CARMIL1: variants seen among roughly 807,000 people sequenced by gnomAD.
The protein encoded by CARMIL1 is capping protein regulator and myosin 1 linker 1.
CARMIL1 carries 90 observed loss-of-function variants against 177.1 expected under a neutral mutation model. That is an observed-to-expected ratio of 0.51 (90% CI 0.43 to 0.61). The LOEUF is 0.61. CARMIL1 is among the 20% of genes least tolerant of loss of function. CARMIL1 has a pLI of 0.00. For synonymous variants in CARMIL1, 577 were observed against 606.2 expected, an observed-to-expected ratio of 0.95 and a Z score of 0.71; for missense variants, 1,380 against 1,667.0, an observed-to-expected ratio of 0.83 and a Z score of 3.00.
chr6:25,308,976 T>C (rs905480486), intron 2 of CARMIL1, among the ~76,000 whole-genome samples: 1 of 152,170 alleles, frequency 6.6e-6, no homozygotes, highest in Non-Finnish European at 1.5e-5. Context: ...AAGCCAGGGA[T>C]AAGTAAAATA....
At chr6:25,459,277 TTTTAA>T (rs1218976268) in intron 8 of CARMIL1, among the ~76,000 whole-genome samples, 3 of 139,592 alleles carry the variant, frequency 2.1e-5, no homozygotes, top group Non-Finnish European at 4.7e-5. Context: ...TTTTTTTTTT[TTTTAA>T]GACAGGGTCT....
intron 2 of CARMIL1, among the ~76,000 whole-genome samples, chr6:25,373,081 A>ACAT (rs1452055158): frequency 4.6e-5 from 7 of 152,308 alleles, no homozygotes; most frequent in Admixed American, 2.6e-4. Flanking sequence ...AATCATCCCT[A>ACAT]CATCCTGGAT....
chr6:25,534,108 A>T (rs1297544878), intron 24 of CARMIL1, among the ~76,000 whole-genome samples: 9 of 145,544 alleles, frequency 6.2e-5, no homozygotes, highest in African/African-American at 2.0e-4. Flanking sequence ...TTTACTAACT[A>T]CCTTCTACGT....
chr6:25,371,323 A>T (rs1198158692), intron 2 of CARMIL1, among the ~76,000 whole-genome samples: 2 of 152,174 alleles, frequency 1.3e-5, no homozygotes, highest in Non-Finnish European at 1.5e-5. Flanking sequence ...TCTTTAAGGA[A>T]TCTTCATGCT....
intron 31 of CARMIL1, among the ~76,000 whole-genome samples, chr6:25,587,340 G>T (rs1229807367): frequency 1.3e-5 from 2 of 152,096 alleles, no homozygotes; most frequent in Non-Finnish European, 2.9e-5. Flanking sequence ...TACTGTAGTA[G>T]TAAGAGCAGG....
chr6:25,493,581 A>G (rs913835723), intron 15 of CARMIL1, among the ~76,000 whole-genome samples: 2 of 152,190 alleles, frequency 1.3e-5, no homozygotes, highest in African/African-American at 2.4e-5. Context: ...ATTCACAGTC[A>G]TATAGCAGAG....
chr6:25,531,457 A>T (rs1807758772), intron 24 of CARMIL1, among the ~76,000 whole-genome samples: 1 of 152,180 alleles, frequency 6.6e-6, no homozygotes, highest in Non-Finnish European at 1.5e-5. Flanking sequence ...AATGATGGTT[A>T]TTTTAGGTGG....
At chr6:25,433,811 A>G (rs988551725) in intron 4 of CARMIL1, among the ~76,000 whole-genome samples, 4 of 152,202 alleles carry the variant, frequency 2.6e-5, no homozygotes, top group African/African-American at 9.6e-5. Flanking sequence ...CATTATTTAT[A>G]TCCTTTTCTT....
At chr6:25,581,558 A>G in intron 31 of CARMIL1, 119 bp downstream of exon 31, 1 of 884,672 alleles carries the variant, frequency 1.1e-6, no homozygotes, top group Non-Finnish European at 1.7e-6. Context: ...AGGAGACTAG[A>G]ACCTCTTTGC....
intron 28 of CARMIL1, among the ~76,000 whole-genome samples, chr6:25,555,128 A>G (rs1290287903): frequency 6.6e-6 from 1 of 152,188 alleles, no homozygotes; most frequent in East Asian, 1.9e-4. Context: ...GCATATGAAA[A>G]AATATAGTTT....
chr6:25,512,298 C>G (rs1030481610), intron 20 of CARMIL1, among the ~76,000 whole-genome samples: 4 of 152,174 alleles, frequency 2.6e-5, no homozygotes, highest in Non-Finnish European at 5.9e-5. Context: ...AAAACCATAT[C>G]TGCAGATGAT....
At chr6:25,617,756 T>A (rs1464593195) in intron 36 of CARMIL1, among the ~76,000 whole-genome samples, 4 of 152,216 alleles carry the variant, frequency 2.6e-5, no homozygotes, top group Admixed American at 2.6e-4. Context: ...AGCAAAATAT[T>A]TATTGACATT....
At chr6:25,586,759 C>T (rs1361995601) in intron 31 of CARMIL1, among the ~76,000 whole-genome samples, 2 of 152,126 alleles carry the variant, frequency 1.3e-5, no homozygotes, top group African/African-American at 2.4e-5. Flanking sequence ...TGGAGACCAG[C>T]CCGGCCAACA....
intron 2 of CARMIL1, among the ~76,000 whole-genome samples, chr6:25,315,248 C>G (rs1330999379): frequency 6.6e-6 from 1 of 152,194 alleles, no homozygotes; most frequent in Non-Finnish European, 1.5e-5. Context: ...CTAGTCTATC[C>G]TGTTTAATCC....
At chr6:25,384,798 A>T (rs1363780996) in intron 2 of CARMIL1, among the ~76,000 whole-genome samples, 1 of 152,206 alleles carries the variant, frequency 6.6e-6, no homozygotes, top group Non-Finnish European at 1.5e-5. Context: ...TTCTATAATC[A>T]TTGCTAATAA....
intron 2 of CARMIL1, among the ~76,000 whole-genome samples, chr6:25,325,017 C>T: frequency 6.6e-6 from 1 of 151,986 alleles, no homozygotes; most frequent in Non-Finnish European, 1.5e-5. Flanking sequence ...AGTGGTCTCC[C>T]CTTCATCTGC....
At chr6:25,362,107 A>G (rs573609457) in intron 2 of CARMIL1, among the ~76,000 whole-genome samples, 1 of 152,348 alleles carries the variant, frequency 6.6e-6, no homozygotes, top group East Asian at 1.9e-4. Flanking sequence ...TTATAATCAC[A>G]TCAGCTTGTT....
At chr6:25,302,508 A>G (rs933397424) in intron 2 of CARMIL1, among the ~76,000 whole-genome samples, 2 of 152,158 alleles carry the variant, frequency 1.3e-5, no homozygotes, top group African/African-American at 2.4e-5. Flanking sequence ...TACCTATTGT[A>G]CTTTTATGTT....
rs570444248 is a variant in CARMIL1, at chr6:25,492,135, C to T, written c.1220+111C>T. 1,028 of 846,336 alleles carry T rather than the reference C, an allele frequency of 1.2e-3. 3 individuals carry two copies. Among genetic ancestry groups the T allele is most frequent in the Middle Eastern group, 3.2e-3 (14 of 4,378 alleles). The allele number at this position is 846,336 out of a possible 1,614,324, so 52.4% of individuals were successfully genotyped here. On this transcript the variant is annotated intron_variant, in intron 15 of 36. Coordinates refer to ENST00000329474, the MANE Select transcript of CARMIL1 (RefSeq NM_017640.6). ...GGTGAATGTTGTATATGAAAGAAGG[C>T]AGCCTTAAGCATTATCTATGAATAT... is the stretch of plus-strand genomic sequence containing the variant.
Sources: allele counts gnomAD v4.1 joint callset (sites outside exome capture counted in the v4.1 genomes callset), GRCh38; gene constraint gnomAD v4.1.1; transcripts MANE v1.5; gene names NCBI Gene and HGNC (gene_info 2026-07-23, HGNC 2026-07-21).